Variants in ACER1 observed in about 807,000 individuals in gnomAD.
The protein encoded by ACER1 is alkaline ceramidase 1.
ACER1 carries 28 observed loss-of-function variants against 24.9 expected under a neutral mutation model. The ratio of observed to expected loss-of-function variants is 1.13; its 90% CI spans 0.83 to 1.54. The LOEUF is 1.54. ACER1 is among the 40% of genes most tolerant of loss of function. ACER1 has a pLI of 0.00. For synonymous variants in ACER1, 132 were observed against 131.4 expected (o/e 1.00, Z -0.03); for missense variants, 352 against 349.3 (o/e 1.01, Z -0.06).
chr19:6,340,084 G>A, the ACER1 span, among the ~76,000 whole-genome samples: 1 of 151,688 alleles, frequency 6.6e-6, no homozygotes, highest in East Asian at 2.0e-4. Context: ...AGACCAGCCT[G>A]GCCAACATGG....
chr19:6,340,509 C>T, the ACER1 span, among the ~76,000 whole-genome samples: 1 of 152,152 alleles, frequency 6.6e-6, no homozygotes, highest in Admixed American at 6.6e-5. Context: ...CCACTGCCAC[C>T]CCAGCTCCCC....
chr19:6,314,655 T>C (rs2091594983), intron 1 of ACER1, among the ~76,000 whole-genome samples: 1 of 152,102 alleles, frequency 6.6e-6, no homozygotes, highest in Non-Finnish European at 1.5e-5. Flanking sequence ...GTACAACCTC[T>C]ACGGAAAACA....
chr19:6,338,967 T>A, the ACER1 span, among the ~76,000 whole-genome samples: 1 of 151,482 alleles, frequency 6.6e-6, no homozygotes, highest in East Asian at 1.9e-4. Context: ...AACCTCCGCC[T>A]CCTGGGTTCA....
chr19:6,347,203 T>TTTTTC, the ACER1 span, among the ~76,000 whole-genome samples: 12 of 146,208 alleles, frequency 8.2e-5, no homozygotes, highest in South Asian at 2.1e-4. Context: ...AAATAGTCTC[T>TTTTTC]TTTTCTTTTC....
At chr19:6,337,714 C>A (rs1210101038), upstream of ACER1, among the ~76,000 whole-genome samples, 3 of 103,140 alleles carry the variant, frequency 2.9e-5, no homozygotes, top group Admixed American at 1.5e-4. Context: ...CTTGCTCTGT[C>A]GCCCAGGCTG....
the ACER1 span, among the ~76,000 whole-genome samples, chr19:6,347,879 T>C: frequency 6.6e-6 from 1 of 151,334 alleles, no homozygotes; most frequent in African/African-American, 2.4e-5. Context: ...TTGTCCTCCA[T>C]GACTAGTGTC....
intron 1 of ACER1, among the ~76,000 whole-genome samples, chr19:6,328,971 A>G (rs2091674892): frequency 6.6e-6 from 1 of 151,742 alleles, no homozygotes; most frequent in South Asian, 2.1e-4. Context: ...CACTGTGCCC[A>G]GCACCCATCT....
At position 6,306,519 on chromosome 19, in the gene ACER1, C is replaced by T. The variant is rs2091552971; in HGVS notation, c.*195G>A. ...TGCACGAGACAGCCCCCCACAGTCA[C>T]CAGGCTGCTGCTCAGAGATGTCACA... On this transcript the variant is annotated 3_prime_UTR_variant, in exon 6 of 6. Coordinates refer to ENST00000301452, the MANE Select transcript of ACER1 (RefSeq NM_133492.3). 3 of 620,010 alleles carry T rather than the reference C, an allele frequency of 4.8e-6. No homozygotes were observed. The East Asian group carries it at 8.6e-5, about 18-fold the overall frequency. 38.4% of individuals were successfully genotyped at this position (620,010 alleles called of 1,614,324 possible). A position where few individuals can be genotyped will look rare whatever the true frequency, so the allele number is the denominator to read the frequency against.
intron 3 of ACER1, among the ~76,000 whole-genome samples, chr19:6,311,143 A>G (rs2091577811): frequency 6.8e-6 from 1 of 146,026 alleles, no homozygotes; most frequent in Non-Finnish European, 1.5e-5. Flanking sequence ...GGTGAATTTA[A>G]GAGATGTCAG....
intron 1 of ACER1, among the ~76,000 whole-genome samples, chr19:6,324,893 A>G (rs2091652844): frequency 6.6e-6 from 1 of 150,562 alleles, no homozygotes; most frequent in African/African-American, 2.4e-5. Flanking sequence ...GGAAGGAAGG[A>G]AGGAAGGAAG....
intron 1 of ACER1, among the ~76,000 whole-genome samples, chr19:6,320,370 C>T (rs141162420): frequency 0.037 from 5,583 of 152,010 alleles, 348 homozygotes; most frequent in African/African-American, 0.13. Flanking sequence ...TGGAGTGTAG[C>T]GGCGCGATCT....
chr19:6,323,309 A>G (rs2091641316), intron 1 of ACER1, among the ~76,000 whole-genome samples: 1 of 151,668 alleles, frequency 6.6e-6, no homozygotes, highest in Non-Finnish European at 1.5e-5. Flanking sequence ...AGTCCCAGCT[A>G]CTTGGGAGGC....
chr19:6,347,522 G>A, the ACER1 span, among the ~76,000 whole-genome samples: 1 of 151,820 alleles, frequency 6.6e-6, no homozygotes, highest in East Asian at 2.0e-4. Flanking sequence ...GTGGAAACAG[G>A]GTCTTTAGAA....
the ACER1 span, among the ~76,000 whole-genome samples, chr19:6,354,787 A>ACTCCCTCTCCCT: frequency 2.0e-5 from 3 of 149,980 alleles, no homozygotes; most frequent in Admixed American, 1.3e-4. Context: ...GAGAAGTGTC[A>ACTCCCTCTCCCT]CTCCCTCTCC....
chr19:6,342,258 CTT>C, the ACER1 span, among the ~76,000 whole-genome samples: 829 of 112,122 alleles, frequency 7.4e-3, 7 homozygotes, highest in African/African-American at 0.02. Context: ...TATCCTAGTT[CTT>C]TTTTTTTTTT....
intron 1 of ACER1, among the ~76,000 whole-genome samples, chr19:6,320,962 C>T (rs1384322277): frequency 6.6e-6 from 1 of 151,166 alleles, no homozygotes. Context: ...GTATTCAGTG[C>T]TTAGGATGTG....
intron 1 of ACER1, among the ~76,000 whole-genome samples, chr19:6,330,796 T>C (rs2145019092): frequency 6.7e-6 from 1 of 149,812 alleles, no homozygotes; most frequent in East Asian, 1.9e-4. Context: ...CCGGGAACCA[T>C]ATCTCTGGCT....
chr19:6,327,943 G>A (rs1392380380), intron 1 of ACER1, among the ~76,000 whole-genome samples: 1 of 151,604 alleles, frequency 6.6e-6, no homozygotes, highest in East Asian at 1.9e-4. Flanking sequence ...GGGCATGGTG[G>A]TGCTCATCTA....
At chr19:6,338,591 T>A (rs571245882), upstream of ACER1, among the ~76,000 whole-genome samples, 9 of 152,244 alleles carry the variant, frequency 5.9e-5, no homozygotes, top group South Asian at 1.9e-3. Flanking sequence ...ATTATTCCAT[T>A]TTTTTTAATG....
Sources: gnomAD v4.1 joint callset for allele counts (sites outside exome capture counted in the v4.1 genomes callset) on GRCh38, gnomAD v4.1.1 for gene constraint, MANE v1.5 for transcripts, NCBI Gene and HGNC (gene_info 2026-07-23, HGNC 2026-07-21) for gene names.